LMF1: variants seen among roughly 807,000 people sequenced by gnomAD.
LMF1 encodes transmembrane protein 112.
A neutral mutation model predicts 60.6 loss-of-function variants in LMF1; 68 were observed. The observed-to-expected ratio is 1.12, with a 90% CI of 0.92 to 1.37. The LOEUF (loss-of-function observed/expected upper bound fraction) is 1.37, where lower values mean the gene tolerates loss of function less well. Among genes scored for constraint, LMF1 ranks in the 40% most tolerant of loss-of-function variants. The pLI, the probability that LMF1 is intolerant of heterozygous loss-of-function variation, is 0.00. For missense variants in LMF1, 948 were observed against 767.2 expected (o/e 1.24, Z -2.78); for synonymous variants, 418 against 324.7 (o/e 1.29, Z -3.09).
chr16:887,298 C>G (rs538868478), intron 5 of LMF1, among the ~76,000 whole-genome samples: 5 of 152,340 alleles, frequency 3.3e-5, no homozygotes, highest in South Asian at 2.1e-4. Context: ...CCGCTGTGCT[C>G]TGTGTGAGCC....
intron 2 of LMF1, among the ~76,000 whole-genome samples, chr16:952,308 A>ACCCC (rs3884217): frequency 6.8e-6 from 1 of 146,892 alleles, no homozygotes; most frequent in Admixed American, 6.8e-5. Context: ...CAAAGTGGGG[A>ACCCC]CCCCCCCCCA....
upstream of LMF1, chr16:981,607 C>A (rs1256100545): frequency 3.5e-5 from 1 of 28,414 alleles, no homozygotes; most frequent in Non-Finnish European, 6.3e-5. Context: ...GCGGGGCAGG[C>A]GGGGGCGCGG....
At position 874,588 on chromosome 16, in the gene LMF1, T is replaced by TC. The variant is rs2069914294; in HGVS notation, c.898-3248dup. Among the ~76,000 whole-genome samples, 1 of 152,026 alleles carries TC rather than the reference T, an allele frequency of 6.6e-6. No homozygotes were observed. The highest frequency in any genetic ancestry group is 2.1e-4 in the South Asian group (1 of 4,828). ...GCGGCCCCAGGGCCCCGCGGAACCCTCCGGAACAGCTGTGTAAACTGCGTG... is the reference window on the plus strand; with the variant it reads ...GCGGCCCCAGGGCCCCGCGGAACCCTCCCGGAACAGCTGTGTAAACTGCGTG... On this transcript the variant is annotated intron_variant, in intron 6 of 10. Coordinates refer to ENST00000262301, the MANE Select transcript of LMF1 (RefSeq NM_022773.4). The surrounding 1 kb of genome is among the most constrained non-coding windows in gnomAD (Gnocchi z 4.1).
chr16:924,043 T>C (rs1403436407), intron 3 of LMF1, among the ~76,000 whole-genome samples: 1 of 152,228 alleles, frequency 6.6e-6, no homozygotes, highest in African/African-American at 2.4e-5. Flanking sequence ...AAAAAGTTAC[T>C]ATAGTTCACT....
At chr16:885,388 C>T (rs1429157100) in intron 5 of LMF1, among the ~76,000 whole-genome samples, 9 of 152,084 alleles carry the variant, frequency 5.9e-5, no homozygotes, top group African/African-American at 2.2e-4. Flanking sequence ...GAAACCTTCC[C>T]CAGGAAAGAC....
chr16:927,928 C>T (rs1013813187), intron 3 of LMF1, among the ~76,000 whole-genome samples: 6 of 152,194 alleles, frequency 3.9e-5, no homozygotes, highest in East Asian at 1.9e-4. Context: ...TTGGCCTGTG[C>T]GGGGACAGCC....
upstream of LMF1, among the ~76,000 whole-genome samples, chr16:973,816 C>T (rs1344960038): frequency 3.3e-5 from 5 of 152,138 alleles, no homozygotes; most frequent in East Asian, 1.9e-4. Flanking sequence ...CTGGCTAACA[C>T]GGTGAAACCC....
chr16:863,019 A>T (rs975113626), intron 10 of LMF1, among the ~76,000 whole-genome samples: 1 of 152,194 alleles, frequency 6.6e-6, no homozygotes. Flanking sequence ...TTATAGGGCT[A>T]TTTAAATTAT....
Position 979,322 on chromosome 16 carries a change from C to T in LMF1, c.-135+1823G>A, listed in dbSNP as rs143362261. On this transcript the variant is annotated intron_variant, in intron 1 of 6. Coordinates refer to the LMF1 transcript ENST00000570014. The stretch of plus-strand genomic sequence containing the variant: ...CACTCTGCATGGGGATCCTCACCCA[C>T]ATACCGCCCTCCCGGGAGTGCACCA... The T allele has an allele frequency of 4.8e-4, 169 of 355,136 alleles. 2 individuals carry two copies. The highest frequency in any genetic ancestry group is 3.2e-3 in the African/African-American group (152 of 46,852). 22.0% of individuals were successfully genotyped at this position (355,136 alleles called of 1,614,324 possible).
chr16:906,713 G>A (rs1255117357), intron 4 of LMF1, among the ~76,000 whole-genome samples: 2 of 152,166 alleles, frequency 1.3e-5, no homozygotes, highest in Non-Finnish European at 2.9e-5. Flanking sequence ...TCATTTTTCA[G>A]TAAATCCTGG....
chr16:869,323 G>C (rs1245099960), intron 9 of LMF1: 2 of 666,492 alleles, frequency 3.0e-6, no homozygotes, highest in Non-Finnish European at 5.5e-6. Context: ...CCCTCTGTCT[G>C]GGCCTTGCCT....
chr16:908,059 G>A (rs554853328), intron 4 of LMF1, among the ~76,000 whole-genome samples: 21 of 152,202 alleles, frequency 1.4e-4, no homozygotes, highest in African/African-American at 3.6e-4. Flanking sequence ...CCAGGGCTTC[G>A]GCCTGACAGC....
intron 4 of LMF1, among the ~76,000 whole-genome samples, chr16:907,309 G>A (rs1196591130): frequency 2.0e-5 from 3 of 152,066 alleles, no homozygotes; most frequent in Non-Finnish European, 4.4e-5. Flanking sequence ...GCTGAGGCAG[G>A]AGAATGGCGT....
intron 3 of LMF1, among the ~76,000 whole-genome samples, chr16:920,673 G>A (rs1312139041): frequency 1.3e-5 from 2 of 152,194 alleles, no homozygotes; most frequent in Admixed American, 1.3e-4. Flanking sequence ...AGAACATGGG[G>A]CAACCCCCCC....
intron 3 of LMF1, among the ~76,000 whole-genome samples, chr16:912,030 G>A (rs982021422): frequency 6.6e-6 from 1 of 152,172 alleles, no homozygotes; most frequent in Non-Finnish European, 1.5e-5. Flanking sequence ...CCCACAGCTC[G>A]CGTCTGTCAA....
intron 9 of LMF1, 142 bp from the exon 10 acceptor site, chr16:869,198 G>T: frequency 1.4e-6 from 1 of 698,852 alleles, no homozygotes; most frequent in Non-Finnish European, 2.6e-6. Context: ...CCAGCTCTTT[G>T]GCTGGGGTCC....
At chr16:943,814 C>T (rs574348354) in intron 2 of LMF1, among the ~76,000 whole-genome samples, 34 of 151,130 alleles carry the variant, frequency 2.2e-4, no homozygotes, top group Non-Finnish European at 4.0e-4. Context: ...CTCTTTTCTA[C>T]GTGTGCTATC....
intron 1 of LMF1, among the ~76,000 whole-genome samples, chr16:970,020 G>A (rs954648796): frequency 1.3e-5 from 2 of 152,216 alleles, no homozygotes; most frequent in African/African-American, 4.8e-5. Flanking sequence ...CACAGCTGTG[G>A]GGTGAAGGGT....
chr16:889,211 C>A (rs1000542842), intron 5 of LMF1, among the ~76,000 whole-genome samples: 7 of 152,244 alleles, frequency 4.6e-5, no homozygotes, highest in African/African-American at 1.7e-4. Flanking sequence ...CACCCGGTCG[C>A]CTTTCACCCT....
Sources: allele counts gnomAD v4.1 joint callset (sites outside exome capture counted in the v4.1 genomes callset), GRCh38; gene constraint gnomAD v4.1.1; non-coding constraint Gnocchi (gnomAD v3.1); transcripts MANE v1.5; gene names NCBI Gene and HGNC (gene_info 2026-07-23, HGNC 2026-07-21).